Variants in ANLN observed in about 807,000 individuals in gnomAD.
The protein encoded by ANLN is anillin.
In ANLN, 59 loss-of-function variants were observed where a neutral mutation model predicts 135.1. The observed-to-expected ratio is 0.44, with a 90% CI of 0.35 to 0.54. ANLN has a LOEUF of 0.54. ANLN is among the 20% of genes least tolerant of loss of function. The pLI is 0.00. For synonymous variants in ANLN, 406 were observed against 456.4 expected (o/e 0.89, Z 1.41); for missense variants, 1,182 against 1,340.0 (o/e 0.88, Z 1.84).
intron 8 of ANLN, among the ~76,000 whole-genome samples, chr7:36,416,387 G>T (rs56240645): frequency 0.1 from 15,793 of 152,164 alleles, 961 homozygotes; most frequent in East Asian, 0.22. Flanking sequence ...TCTAATTCAG[G>T]TGCCTTTTAT....
chr7:36,433,152 A>G (rs533514778), intron 20 of ANLN, among the ~76,000 whole-genome samples: 5 of 152,256 alleles, frequency 3.3e-5, no homozygotes, highest in African/African-American at 7.2e-5. Flanking sequence ...TTATATTTTT[A>G]TAAACTGGTC....
intron 20 of ANLN, chr7:36,428,230 T>C (rs548658351): frequency 1.4e-6 from 1 of 701,908 alleles, no homozygotes; most frequent in African/African-American, 1.9e-5. Context: ...TAACTTTTTA[T>C]TTAGTAATTC....
intron 1 of ANLN, 48 bp downstream of exon 1, chr7:36,390,092 CCCCACCCACCTTCCT>C (rs1278505526): frequency 6.2e-7 from 1 of 1,612,168 alleles, no homozygotes; most frequent in African/African-American, 1.3e-5. Flanking sequence ...CGCTCTAGGC[CCCCACCCACCTTCCT>C]CTGTCAACCT....
chr7:36,409,158 T>A (rs956195698), intron 5 of ANLN, among the ~76,000 whole-genome samples: 7 of 152,190 alleles, frequency 4.6e-5, no homozygotes, highest in African/African-American at 1.7e-4. Flanking sequence ...AGACTTAAGC[T>A]TAGATAAGAG....
At chr7:36,401,589 G>T (rs7806981) in intron 3 of ANLN, among the ~76,000 whole-genome samples, 22,235 of 92,072 alleles carry the variant, frequency 0.24, 4,496 homozygotes, top group African/African-American at 0.32. Context: ...TCCGCCTGCC[G>T]CGGCCTCCCA....
intron 22 of ANLN, chr7:36,448,889 G>T (rs769846216): frequency 1.3e-5 from 2 of 152,120 alleles, no homozygotes; most frequent in East Asian, 3.8e-4. Flanking sequence ...ATTGTTAATG[G>T]TTTTTGATTA....
intron 7 of ANLN, among the ~76,000 whole-genome samples, chr7:36,415,481 A>G (rs1787601400): frequency 6.6e-6 from 1 of 152,068 alleles, no homozygotes; most frequent in African/African-American, 2.4e-5. Flanking sequence ...TGATTGGCTT[A>G]TCTAAAACTG....
rs767948601 is a variant in ANLN, at chr7:36,424,753, A to G, written c.2709+11A>G. Reference sequence around the variant, plus strand: ...ACATCCAAGTCCAAGGTGAGAATTAAAGAAACCCAGTAAAAATATTTTCAT... The same window carrying G: ...ACATCCAAGTCCAAGGTGAGAATTAGAGAAACCCAGTAAAAATATTTTCAT... On this transcript the variant is annotated intron_variant, in intron 17 of 23. Transcript: ENST00000265748. 2.5e-6 allele frequency: 4 copies of G among 1,606,280 alleles called. No individual in the cohort carries two copies. Among genetic ancestry groups the G allele is most frequent in the Non-Finnish European group, 3.4e-6 (4 of 1,177,114 alleles).
intron 1 of ANLN, among the ~76,000 whole-genome samples, chr7:36,394,803 A>G (rs1173997567): frequency 6.6e-6 from 1 of 152,218 alleles, no homozygotes; most frequent in East Asian, 1.9e-4. Context: ...CAGTAATAAT[A>G]ATCTGCATAC....
intron 3 of ANLN, 100 bp from the exon 4 acceptor site, chr7:36,406,081 A>G: frequency 8.6e-7 from 1 of 1,165,128 alleles, no homozygotes; most frequent in Non-Finnish European, 1.2e-6. Context: ...TCTTAAACCT[A>G]TTAATCTCAT....
rs1467248084 is a variant in ANLN, at chr7:36,453,773, C to G, written c.*1173C>G. On this transcript the variant is annotated 3_prime_UTR_variant, in exon 24 of 24. Coordinates refer to ENST00000265748, the MANE Select transcript of ANLN (RefSeq NM_018685.5). ...TATGAGCTCTTACTCAAATAAATAC[C>G]TGTAAATGTCTAAAGGAATCAGTTG... The G allele has an allele frequency of 6.6e-6, 1 of 152,398 alleles. No homozygotes were observed. The highest frequency in any genetic ancestry group is 1.9e-4 in the East Asian group (1 of 5,200). The allele number at this position is 152,398 out of a possible 1,614,324, so 9.4% of individuals were successfully genotyped here.
In ANLN at chr7:36,416,979, A is replaced by G. The variant is rs567025192; in HGVS notation, c.1523-101A>G. ...GGTTTGGATATTTTAAAACGAATAC[A>G]TAGTTTTATAATCAGAAAAAAAAAA... On this transcript the variant is annotated intron_variant, in intron 8 of 23. Transcript: ENST00000265748. 20 of 636,650 alleles carry G rather than the reference A, an allele frequency of 3.1e-5. No individual in the cohort carries two copies. The South Asian group carries it at 4.6e-4, about 15-fold the overall frequency. The allele number at this position is 636,650 out of a possible 1,614,324, so 39.4% of individuals were successfully genotyped here. A position where few individuals can be genotyped will look rare whatever the true frequency, so the allele number is the denominator to read the frequency against.
intron 20 of ANLN, among the ~76,000 whole-genome samples, chr7:36,428,774 A>AATAAAAGCAG (rs60565739): frequency 7.4e-6 from 1 of 135,564 alleles, no homozygotes; most frequent in African/African-American, 2.6e-5. Context: ...AAATAAAAGC[A>AATAAAAGCAG]GATTTTTTTT....
At chr7:36,422,285 C>A (rs778816865) in intron 13 of ANLN, among the ~76,000 whole-genome samples, 2 of 39,970 alleles carry the variant, frequency 5.0e-5, no homozygotes, top group Non-Finnish European at 1.2e-4. Flanking sequence ...CACATACATT[C>A]TCTCTCTCTC....
chr7:36,433,402 A>G (rs1416196790), intron 20 of ANLN, among the ~76,000 whole-genome samples: 1 of 152,084 alleles, frequency 6.6e-6, no homozygotes, highest in East Asian at 1.9e-4. Context: ...AAAGTTGTTA[A>G]TTTATTGTTT....
chr7:36,443,169 G>A (rs1445638090), intron 21 of ANLN, among the ~76,000 whole-genome samples: 1 of 152,144 alleles, frequency 6.6e-6, no homozygotes, highest in African/African-American at 2.4e-5. Context: ...CATCCCTAAG[G>A]ACAAACGCCT....
At chr7:36,426,574 AC>A (rs1329633524) in intron 19 of ANLN, among the ~76,000 whole-genome samples, 2 of 151,686 alleles carry the variant, frequency 1.3e-5, no homozygotes, top group Non-Finnish European at 2.9e-5. Context: ...TTACTAAGAG[AC>A]CTGTACAGAG....
In ANLN at chr7:36,426,974, A is replaced by G. The variant is rs767707803; in HGVS notation, c.2829A>G (p.Gly943=). The G allele has an allele frequency of 1.2e-6, 2 of 1,613,496 alleles. No homozygotes were observed. Among genetic ancestry groups the G allele is most frequent in the Non-Finnish European group, 1.7e-6 (2 of 1,179,836 alleles). Reference sequence around the variant, plus strand: ...GAACCAGCAACTTCGCCCTTGTTGGATCTTACACATTATCATTGTCTTCAG... The same window carrying G: ...GAACCAGCAACTTCGCCCTTGTTGGGTCTTACACATTATCATTGTCTTCAG... ...AVRTSNFALV[G]SYTLSLSSVG... Residue 943 remains glycine (G), a synonymous_variant, in exon 20 of 24, where the codon GGA becomes GGG. Coordinates refer to ENST00000265748, the MANE Select transcript of ANLN (RefSeq NM_018685.5).
At chr7:36,416,905 G>A (rs769378114) in intron 8 of ANLN, among the ~76,000 whole-genome samples, 175 bp from the exon 9 acceptor site, 3 of 151,220 alleles carry the variant, frequency 2.0e-5, no homozygotes, top group African/African-American at 7.3e-5. Flanking sequence ...AGCATAAATG[G>A]GTTAAGAGAG....
Sources: allele counts gnomAD v4.1 joint callset (sites outside exome capture counted in the v4.1 genomes callset), GRCh38; gene constraint gnomAD v4.1.1; transcripts MANE v1.5; gene names NCBI Gene and HGNC (gene_info 2026-07-23, HGNC 2026-07-21).